The following MNS1 variants were observed in gnomAD, a reference collection of about 807,000 sequenced individuals.
MNS1 encodes the protein meiosis specific nuclear structural 1, also known as meiosis-specific nuclear structural protein 1.
In MNS1, 63 loss-of-function variants were observed where a neutral mutation model predicts 72.0. The observed-to-expected ratio is 0.87, with a 90% CI of 0.71 to 1.08. MNS1 has a LOEUF of 1.08. Among genes scored for constraint, MNS1 ranks in the 50% least tolerant of loss-of-function variants. The probability of loss-of-function intolerance (pLI) is 0.00; values close to 1 mark genes in which losing one functional copy is unlikely to be tolerated. For synonymous variants in MNS1, 188 were observed against 172.1 expected (o/e 1.09, Z -0.72); for missense variants, 604 against 562.4 (o/e 1.07, Z -0.75).
At chr15:56,431,081 G>T (rs2050578913) in intron 9 of MNS1, among the ~76,000 whole-genome samples, 1 of 152,152 alleles carries the variant, frequency 6.6e-6, no homozygotes, top group South Asian at 2.1e-4. Context: ...GAATCACCGG[G>T]AGGCAGAGGT....
At position 56,434,249 on chromosome 15, in the gene MNS1, A is replaced by G. The variant is rs1345421205; in HGVS notation, c.1158T>C (p.Asp386=). ...RKTMLAKFAE[D]DRIELMNAQK... ...GAGCATTCATTAATTCTATTCGATC[A>G]TCCTCAGCAAATTTAGCTAGCATAG... Residue 386 remains aspartate, a synonymous_variant, in exon 8 of 10, where the codon GAT becomes GAC. Transcript: ENST00000260453. 6.2e-7 allele frequency: 1 copy of G among 1,613,918 alleles called. No homozygotes were observed. The highest frequency in any genetic ancestry group is 1.1e-5 in the South Asian group (1 of 91,068).
chr15:56,434,579 C>T (rs56214046), intron 7 of MNS1, among the ~76,000 whole-genome samples, 184 bp from the exon 8 acceptor site: 1 of 152,068 alleles, frequency 6.6e-6, no homozygotes, highest in Non-Finnish European at 1.5e-5. Context: ...AATATGCTTA[C>T]ATTTGGATTG....
chr15:56,429,333 A>AAATC (rs2050490053), intron 9 of MNS1, 140 bp from the exon 10 acceptor site: 1 of 592,890 alleles, frequency 1.7e-6, no homozygotes, highest in African/African-American at 2.0e-5. Flanking sequence ...AACTTTAAAA[A>AAATC]AATCAATACT....
chr15:56,434,799 C>T (rs2050691872), intron 7 of MNS1, among the ~76,000 whole-genome samples: 1 of 152,004 alleles, frequency 6.6e-6, no homozygotes, highest in African/African-American at 2.4e-5. Context: ...TTTTCAGTTT[C>T]CAACCTCCTC....
In MNS1 at chr15:56,437,244, G is replaced by C. The variant is rs551742390; in HGVS notation, c.1012-2849C>G. 2.1e-4 allele frequency among the ~76,000 whole-genome samples: 32 copies of C among 152,260 alleles called. No homozygotes were observed. In the South Asian group the frequency reaches 3.3e-3, roughly 16 times the overall value. Reference sequence around the variant, plus strand: ...AAATACTGGCAAACCAAATCCAGCAGCACATCAAAAAGCTTATCCACCATG... The same window carrying C: ...AAATACTGGCAAACCAAATCCAGCACCACATCAAAAAGCTTATCCACCATG... On this transcript the variant is annotated intron_variant, in intron 7 of 9. Transcript: ENST00000260453.
At position 56,464,246 on chromosome 15, in the gene MNS1, C is replaced by A; in HGVS notation, c.5G>T (p.Gly2Val). Residue 2 changes from glycine (G) to valine (V), a missense_variant and splice_region_variant, in exon 2 of 10, where the codon GGT (glycine) becomes GTT (valine). Transcript: ENST00000260453. ...ACAGCTCAAATTTCTCCTTTTGGAA[C>A]CCTACGATGGAAGAAAAAAAAAGAT... MGSKRRNLSCSE... is the reference protein window; with the variant it reads MVSKRRNLSCSE... 1.3e-6 allele frequency: 2 copies of A among 1,579,920 alleles called. No homozygotes were observed. The highest frequency in any genetic ancestry group is 1.7e-6 in the Non-Finnish European group (2 of 1,168,224).
chr15:56,434,365 T>C lies in MNS1; in HGVS notation c.1042A>G (p.Lys348Glu). 6.2e-7 allele frequency: 1 copy of C among 1,612,782 alleles called. No individual in the cohort carries two copies. The highest frequency in any genetic ancestry group is 8.5e-7 in the Non-Finnish European group (1 of 1,179,608). ...EEAEKKLRKQKEMKQDFEEQM... is the reference protein window; with the variant it reads ...EEAEKKLRKQEEMKQDFEEQM... ...TCTTCAAAATCTTGCTTCATCTCTT[T>C]TTGCTTTCTCAATTTCTTTTCTGCT... is the stretch of plus-strand genomic sequence containing the variant. The change falls in exon 8 of 10, where the codon AAA (lysine) becomes GAA (glutamate). Residue 348 changes from lysine to glutamate, a missense_variant. Coordinates refer to ENST00000260453, the MANE Select transcript of MNS1 (RefSeq NM_018365.4).
intron 7 of MNS1, 41 bp from the exon 8 acceptor site, chr15:56,434,436 T>C: frequency 1.9e-6 from 3 of 1,549,242 alleles, no homozygotes; most frequent in Non-Finnish European, 2.6e-6. Flanking sequence ...AACTATTTCC[T>C]TACACCAGAT....
chr15:56,456,991 A>G (rs1343954887), intron 2 of MNS1, among the ~76,000 whole-genome samples: 3 of 152,298 alleles, frequency 2.0e-5, no homozygotes, highest in Admixed American at 6.5e-5. Context: ...GTCTAATACC[A>G]TGTTCATATT....
In MNS1 at chr15:56,434,140, T is replaced by A; in HGVS notation, c.1267A>T (p.Lys423Ter). ...AAAACCCCACAACTTTTTCTTACTT[T>A]GTCTGCAAGGAATTGTTGGCGACGC... is the stretch of plus-strand genomic sequence containing the variant. ...EERRQQFLAD[K>*]QRELEEWQLQ... Residue 423 changes from lysine to a stop codon, truncating the protein, a stop_gained and splice_region_variant, in exon 8 of 10, where the codon AAA becomes TAA. Coordinates refer to ENST00000260453, the MANE Select transcript of MNS1 (RefSeq NM_018365.4). LOFTEE classifies it high-confidence loss of function. 6.2e-7 allele frequency: 1 copy of A among 1,607,506 alleles called. No individual in the cohort carries two copies. Among genetic ancestry groups the A allele is most frequent in the Non-Finnish European group, 8.5e-7 (1 of 1,177,774 alleles).
chr15:56,450,728 C>A (rs1242641470), intron 3 of MNS1, among the ~76,000 whole-genome samples: 3 of 152,042 alleles, frequency 2.0e-5, no homozygotes, highest in South Asian at 2.1e-4. Flanking sequence ...ATACAAGTAT[C>A]CATTTAAGTC....
chr15:56,431,366 C>CACTT lies in MNS1; in HGVS notation c.1395+3_1395+6dup. 6.2e-7 allele frequency: 1 copy of CACTT among 1,608,960 alleles called. No individual in the cohort carries two copies. The highest frequency in any genetic ancestry group is 2.2e-5 in the East Asian group (1 of 44,750). ...GAAGATTACAACTTGAGATAAATCT[C>CACTT]ACTTACTTTAGGGAGATAGCCTAGT... On this transcript the variant is annotated splice_region_variant and intron_variant, in intron 9 of 9. Coordinates refer to ENST00000260453, the MANE Select transcript of MNS1 (RefSeq NM_018365.4).
intron 3 of MNS1, 177 bp from the exon 4 acceptor site, chr15:56,447,120 G>C: frequency 1.9e-6 from 1 of 523,004 alleles, no homozygotes; most frequent in Non-Finnish European, 3.4e-6. Context: ...GGGCATTAGG[G>C]CTTACATTTT....
Position 56,444,598 on chromosome 15 carries a change from C to T in MNS1, c.532G>A (p.Asp178Asn), listed in dbSNP as rs532301407. Residue 178 changes from aspartate (D) to asparagine (N), a missense_variant, in exon 5 of 10, where the codon GAC becomes AAC. Physicochemically the swap from Asp to Asn is conservative, Grantham distance 23 (BLOSUM62 1). Coordinates refer to ENST00000260453, the MANE Select transcript of MNS1 (RefSeq NM_018365.4). ...TGTGCTTTCGCTTTGTTTCGTTTGT[C>T]TTCTGCAGCATTCTCTTCCTTTATT... ...RIIKEENAAEDKRNKAKAQYY... is the reference protein window; with the variant it reads ...RIIKEENAAENKRNKAKAQYY... 1 of 1,613,038 alleles carries T rather than the reference C, an allele frequency of 6.2e-7. No homozygotes were observed. Among genetic ancestry groups the T allele is most frequent in the Admixed American group, 1.7e-5 (1 of 59,956 alleles).
rs185005213 is a variant in MNS1, at chr15:56,443,817, G to A, written c.724C>T (p.Arg242Ter). ...TTCTGAAACTCTTCTATATACCTTC[G>A]CATTGCATTCATTTTTTCTAACTTT... ...QQKLEKMNAM[R>*]RYIEEFQKEQ... The change falls in exon 6 of 10, where the codon CGA becomes TGA. Residue 242 changes from arginine to a stop codon, truncating the protein, a stop_gained. Coordinates refer to ENST00000260453, the MANE Select transcript of MNS1 (RefSeq NM_018365.4). LOFTEE classifies it high-confidence loss of function. The A allele has an allele frequency of 1.7e-4, 273 of 1,605,450 alleles. 1 individual carries two copies. Among genetic ancestry groups the A allele is most frequent in the South Asian group, 1.2e-3 (104 of 88,410 alleles).
intron 7 of MNS1, among the ~76,000 whole-genome samples, chr15:56,434,658 G>A (rs546869096): frequency 8.5e-5 from 13 of 152,136 alleles, no homozygotes; most frequent in Non-Finnish European, 1.5e-4. Flanking sequence ...GAATTAACAC[G>A]TAACTGCTTT....
chr15:56,449,606 G>C (rs1330780074), intron 3 of MNS1, among the ~76,000 whole-genome samples: 4 of 152,050 alleles, frequency 2.6e-5, no homozygotes, highest in African/African-American at 9.7e-5. Context: ...ATTGGGAAGG[G>C]CTTCCTCTTT....
At position 56,463,872 on chromosome 15, in the gene MNS1, C is replaced by T. The variant is rs1174205011; in HGVS notation, c.225+154G>A. The T allele has an allele frequency of 1.1e-5, 7 of 629,070 alleles. No individual in the cohort carries two copies. The South Asian group carries it at 1.5e-4, about 13-fold the overall frequency. The allele number at this position is 629,070 out of a possible 1,614,324, so 39.0% of individuals were successfully genotyped here. A position where few individuals can be genotyped will look rare whatever the true frequency, so the allele number is the denominator to read the frequency against. Reference sequence around the variant, plus strand: ...TCAAAGACAGGCCGGCTCCAGAAACCCAGGTCTTTACGATTACACCGAGCT... The same window carrying T: ...TCAAAGACAGGCCGGCTCCAGAAACTCAGGTCTTTACGATTACACCGAGCT... On this transcript the variant is annotated intron_variant, in intron 2 of 9. Coordinates refer to ENST00000260453, the MANE Select transcript of MNS1 (RefSeq NM_018365.4).
At position 56,457,640 on chromosome 15, in the gene MNS1, A is replaced by G. The variant is rs947514216; in HGVS notation, c.226-1119T>C. Among the ~76,000 whole-genome samples the G allele has an allele frequency of 2.6e-5, 4 of 152,084 alleles. No individual in the cohort carries two copies. The South Asian group carries it at 6.2e-4, about 24-fold the overall frequency. On this transcript the variant is annotated intron_variant, in intron 2 of 9. Transcript: ENST00000260453. ...AGTTTGAGACCAGCCTGGGCAACAT[A>G]GAGAGGTGCTGTCCTTACAGAAAAT...
Sources: gnomAD v4.1 joint callset for allele counts (sites outside exome capture counted in the v4.1 genomes callset) on GRCh38, gnomAD v4.1.1 for gene constraint, MANE v1.5 for transcripts, NCBI Gene and HGNC (gene_info 2026-07-23, HGNC 2026-07-21) for gene names.